The following SEMA3E variants were observed in gnomAD, a reference collection of about 807,000 sequenced individuals.
SEMA3E encodes the protein semaphorin-3E.
In SEMA3E, 49 loss-of-function variants were observed where a neutral mutation model predicts 93.6. The observed-to-expected ratio is 0.52, with a 90% CI of 0.42 to 0.66. The LOEUF (loss-of-function observed/expected upper bound fraction) is 0.66, where lower values mean the gene tolerates loss of function less well. SEMA3E is among the 30% of genes least tolerant of loss of function. The pLI is 0.00. For missense variants in SEMA3E, 906 were observed against 964.8 expected (o/e 0.94, Z 0.81); for synonymous variants, 363 against 330.7 (o/e 1.10, Z -1.06).
intron 2 of SEMA3E, among the ~76,000 whole-genome samples, chr7:83,483,013 G>C (rs1227960566): frequency 6.6e-6 from 1 of 151,732 alleles, no homozygotes. Context: ...AACTATATTT[G>C]CTCAGCTCAA....
intron 1 of SEMA3E, among the ~76,000 whole-genome samples, chr7:83,576,862 T>C (rs948073594): frequency 6.6e-6 from 1 of 152,106 alleles, no homozygotes; most frequent in Admixed American, 6.6e-5. Flanking sequence ...TCCTGAGTGA[T>C]CCACTTGCCT....
rs978776836 is a variant in SEMA3E, at chr7:83,386,923, G to T, written c.1735+60C>A. The T allele has an allele frequency of 5.6e-6, 8 of 1,416,172 alleles. No homozygotes were observed. The Admixed American group carries it at 1.0e-4, about 18-fold the overall frequency. The allele number at this position is 1,416,172 out of a possible 1,614,324, so 87.7% of individuals were successfully genotyped here. On this transcript the variant is annotated intron_variant, in intron 15 of 16. Transcript: ENST00000643230. ...AAAAAGGACTCTTTTTAAGAAGTTT[G>T]TAGTTTATGTTCAATGTATTCTCTG...
chr7:83,618,827 A>G (rs1487464550), intron 1 of SEMA3E, among the ~76,000 whole-genome samples: 1 of 151,968 alleles, frequency 6.6e-6, no homozygotes, highest in Non-Finnish European at 1.5e-5. Context: ...GCATGCATAT[A>G]TATTTTCTCA....
At chr7:83,596,624 C>T (rs558691672) in intron 1 of SEMA3E, among the ~76,000 whole-genome samples, 1 of 152,022 alleles carries the variant, frequency 6.6e-6, no homozygotes, top group Non-Finnish European at 1.5e-5. Context: ...CTACTTCCTC[C>T]ACCTGCTTTT....
chr7:83,421,911 C>G (rs371367108), intron 4 of SEMA3E, among the ~76,000 whole-genome samples: 10 of 152,324 alleles, frequency 6.6e-5, no homozygotes, highest in African/African-American at 7.2e-5. Context: ...GGCACGGTGG[C>G]TCACGCCTGT....
intron 1 of SEMA3E, among the ~76,000 whole-genome samples, chr7:83,508,026 A>G (rs1267309261): frequency 6.6e-6 from 1 of 152,100 alleles, no homozygotes; most frequent in Non-Finnish European, 1.5e-5. Flanking sequence ...TAAAAATAAT[A>G]TAAATTAACA....
At chr7:83,589,951 T>C (rs215311) in intron 1 of SEMA3E, among the ~76,000 whole-genome samples, 86,942 of 152,044 alleles carry the variant, frequency 0.57, 26,581 homozygotes, top group African/African-American at 0.8. Flanking sequence ...GATAGACTTC[T>C]CACACCTTGA....
chr7:83,377,767 C>A (rs960398230), intron 16 of SEMA3E, among the ~76,000 whole-genome samples: 1 of 151,990 alleles, frequency 6.6e-6, no homozygotes, highest in Non-Finnish European at 1.5e-5. Context: ...TCACTAATAA[C>A]CATTTACATT....
In SEMA3E at chr7:83,614,644, G is replaced by A. The variant is rs920351902; in HGVS notation, c.115+33784C>T. 2.0e-5 allele frequency among the ~76,000 whole-genome samples: 3 copies of A among 152,210 alleles called. No homozygotes were observed. In the East Asian group the frequency reaches 5.8e-4, roughly 29 times the overall value. ...ACATATCCAAAGTAGGTGTTCAAAT[G>A]AGATCCTGCTTAGCAAGCAACCTTG... On this transcript the variant is annotated intron_variant, in intron 1 of 16. Transcript: ENST00000643230.
At chr7:83,398,670 A>G (rs1250364557) in intron 11 of SEMA3E, among the ~76,000 whole-genome samples, 3 of 152,210 alleles carry the variant, frequency 2.0e-5, no homozygotes, top group Non-Finnish European at 4.4e-5. Context: ...ATGGCTGGGC[A>G]TGGTGGCTTA....
At chr7:83,617,444 A>AAATTTTATAGAAATAATATAT in intron 1 of SEMA3E, among the ~76,000 whole-genome samples, 1 of 99,800 alleles carries the variant, frequency 1.0e-5, no homozygotes, top group African/African-American at 3.8e-5. Flanking sequence ...AATTTTATAT[A>AAATTTTATAGAAATAATATAT]AATTTTATAT....
intron 1 of SEMA3E, among the ~76,000 whole-genome samples, chr7:83,577,995 T>C (rs903752437): frequency 3.3e-5 from 5 of 152,122 alleles, no homozygotes; most frequent in South Asian, 4.1e-4. Context: ...AAACGTGTAA[T>C]CTAAATAGCT....
chr7:83,576,527 CA>C (rs979640786), intron 1 of SEMA3E, among the ~76,000 whole-genome samples: 4 of 151,984 alleles, frequency 2.6e-5, no homozygotes, highest in Non-Finnish European at 4.4e-5. Flanking sequence ...GTCAGTTTGC[CA>C]TGCAAATGTA....
intron 5 of SEMA3E, among the ~76,000 whole-genome samples, chr7:83,410,177 T>C (rs1459284759): frequency 6.6e-6 from 1 of 151,808 alleles, no homozygotes; most frequent in Non-Finnish European, 1.5e-5. Flanking sequence ...CAATCTATGG[T>C]TTCCAAAAAA....
At chr7:83,573,769 T>C (rs1046273646) in intron 1 of SEMA3E, among the ~76,000 whole-genome samples, 1 of 151,978 alleles carries the variant, frequency 6.6e-6, no homozygotes, top group Non-Finnish European at 1.5e-5. Flanking sequence ...GTATTCTTTA[T>C]AGTGATAATA....
At chr7:83,532,786 T>TTA (rs1319626287) in intron 1 of SEMA3E, among the ~76,000 whole-genome samples, 3 of 151,230 alleles carry the variant, frequency 2.0e-5, no homozygotes, top group African/African-American at 4.9e-5. Context: ...GTTTTTTTTT[T>TTA]AAAAAAAGAA....
In SEMA3E at chr7:83,646,405, G is replaced by A. The variant is rs559862346; in HGVS notation, c.115+2023C>T. On this transcript the variant is annotated intron_variant, in intron 1 of 16. Coordinates refer to ENST00000643230, the MANE Select transcript of SEMA3E (RefSeq NM_012431.3). ...CTCTTCTTTTCACTGAGGCCCCTGA[G>A]GTGCAGTAGGCATTTGCTGCTTCAG... Among the ~76,000 whole-genome samples the A allele has an allele frequency of 2.6e-5, 4 of 152,130 alleles. No individual in the cohort carries two copies. In the South Asian group the frequency reaches 8.3e-4, roughly 31 times the overall value.
chr7:83,639,823 A>G (rs956707366), intron 1 of SEMA3E, among the ~76,000 whole-genome samples: 7 of 151,962 alleles, frequency 4.6e-5, no homozygotes, highest in Admixed American at 2.6e-4. Flanking sequence ...CCTTTCCACT[A>G]CAGCATACTA....
chr7:83,517,481 A>G (rs1187293882), intron 1 of SEMA3E, among the ~76,000 whole-genome samples: 2 of 152,228 alleles, frequency 1.3e-5, no homozygotes, highest in African/African-American at 2.4e-5. Flanking sequence ...TTTGACAGGG[A>G]TAAAAGAAAA....
Sources: gnomAD v4.1 joint callset for allele counts (sites outside exome capture counted in the v4.1 genomes callset) on GRCh38, gnomAD v4.1.1 for gene constraint, MANE v1.5 for transcripts, NCBI Gene and HGNC (gene_info 2026-07-23, HGNC 2026-07-21) for gene names.